The following IFI27L1 variants were observed in gnomAD, a reference collection of about 807,000 sequenced individuals.
IFI27L1 encodes interferon alpha-inducible protein 27-like protein 1.
IFI27L1 carries 3 observed loss-of-function variants against 9.2 expected under a neutral mutation model. The ratio of observed to expected loss-of-function variants is 0.32; its 90% CI spans 0.15 to 0.84. The LOEUF is 0.84. Among genes scored for constraint, IFI27L1 ranks in the 40% least tolerant of loss-of-function variants. The pLI, the probability that IFI27L1 is intolerant of heterozygous loss-of-function variation, is 0.56. For missense variants in IFI27L1, 133 were observed against 134.2 expected, an observed-to-expected ratio of 0.99 and a Z score of 0.05; for synonymous variants, 53 against 50.0, an observed-to-expected ratio of 1.06 and a Z score of -0.26.
At chr14:94,089,490 A>T (rs940254492) in intron 1 of IFI27L1, among the ~76,000 whole-genome samples, 1 of 152,220 alleles carries the variant, frequency 6.6e-6, no homozygotes, top group Admixed American at 6.5e-5. Flanking sequence ...ATAATGAGCA[A>T]TGAGGATGAC....
At chr14:94,096,406 A>C (rs192993656) in intron 1 of IFI27L1, among the ~76,000 whole-genome samples, 138 of 152,314 alleles carry the variant, frequency 9.1e-4, no homozygotes, top group African/African-American at 3.1e-3. Flanking sequence ...ATTCAAGACT[A>C]TGCTTTCAGC....
chr14:94,084,147 A>G (rs1886202688), intron 1 of IFI27L1, among the ~76,000 whole-genome samples: 2 of 152,200 alleles, frequency 1.3e-5, no homozygotes, highest in South Asian at 4.1e-4. Flanking sequence ...AAACAGATGC[A>G]GGAAGATTAA....
chr14:94,092,659 G>A (rs1886523062), intron 1 of IFI27L1, among the ~76,000 whole-genome samples: 1 of 152,174 alleles, frequency 6.6e-6, no homozygotes, highest in Non-Finnish European at 1.5e-5. Flanking sequence ...AAACTCTGTT[G>A]TGCTTTTATT....
At chr14:94,094,044 A>G (rs1010207893) in intron 1 of IFI27L1, among the ~76,000 whole-genome samples, 5 of 152,080 alleles carry the variant, frequency 3.3e-5, no homozygotes, top group Non-Finnish European at 5.9e-5. Context: ...TTGCAAGACA[A>G]GGAAAGGAGG....
intron 2 of IFI27L1, among the ~76,000 whole-genome samples, 200 bp downstream of exon 2, chr14:94,097,165 C>T (rs1256899174): frequency 6.6e-6 from 1 of 152,174 alleles, no homozygotes; most frequent in Non-Finnish European, 1.5e-5. Flanking sequence ...GGCGGGGCCA[C>T]AGATGTACCC....
In IFI27L1 at chr14:94,096,943, A is replaced by G; in HGVS notation, c.6A>G (p.Gly2=). 6.2e-7 allele frequency: 1 copy of G among 1,613,602 alleles called. No individual in the cohort carries two copies. Among genetic ancestry groups the G allele is most frequent in the South Asian group, 1.1e-5 (1 of 90,990 alleles). Residue 2 remains glycine (G), a synonymous_variant, in exon 2 of 5, where the codon GGA becomes GGG. Transcript: ENST00000555523. The part of the protein sequence containing the change: M[G]KESGWDSGRA... ...CCGAGGCGAAGGGGCCAACCATGGGAAAGGAGAGTGGATGGGACTCAGGTG... is the reference window on the plus strand; with the variant it reads ...CCGAGGCGAAGGGGCCAACCATGGGGAAGGAGAGTGGATGGGACTCAGGTG...
In IFI27L1 at chr14:94,098,891, A is replaced by G. The variant is rs538089138; in HGVS notation, c.29-1848A>G. ...TCTCATTATCTTACACATTTTATAGAGGGGACAAGAAAGCTAGGTAACTGC... is the reference window on the plus strand; with the variant it reads ...TCTCATTATCTTACACATTTTATAGGGGGGACAAGAAAGCTAGGTAACTGC... On this transcript the variant is annotated intron_variant, in intron 2 of 4. Transcript: ENST00000555523. Among the ~76,000 whole-genome samples the G allele has an allele frequency of 1.8e-4, 28 of 152,278 alleles. No homozygotes were observed. In the South Asian group the frequency reaches 5.4e-3, roughly 29 times the overall value.
chr14:94,098,284 C>T (rs975798049), intron 2 of IFI27L1, among the ~76,000 whole-genome samples: 1 of 152,190 alleles, frequency 6.6e-6, no homozygotes, highest in East Asian at 1.9e-4. Flanking sequence ...ATGCCACTCC[C>T]TAGTTTCTGG....
At chr14:94,102,116 G>T in intron 4 of IFI27L1, 141 bp downstream of exon 4, 1 of 870,926 alleles carries the variant, frequency 1.1e-6, no homozygotes. Flanking sequence ...CCCCTCTTCT[G>T]GTTGGAGGTG....
chr14:94,087,389 T>G (rs544594733), intron 1 of IFI27L1, among the ~76,000 whole-genome samples: 1 of 152,346 alleles, frequency 6.6e-6, no homozygotes, highest in Admixed American at 6.5e-5. Flanking sequence ...CTAGCTCTAT[T>G]TGTCAGAGTT....
At chr14:94,082,265 TGA>T (rs1348919010) in intron 1 of IFI27L1, among the ~76,000 whole-genome samples, 1 of 151,612 alleles carries the variant, frequency 6.6e-6, no homozygotes, top group African/African-American at 2.4e-5. Context: ...CTATGATGAC[TGA>T]GAGAGGTGAG....
In IFI27L1 at chr14:94,101,829, CTG is replaced by C. The variant is rs1886908646; in HGVS notation, c.80_81del (p.Val27AlafsTer57). 2.5e-6 allele frequency: 4 copies of C among 1,614,232 alleles called. No individual in the cohort carries two copies. The African/African-American group carries it at 5.3e-5, about 22-fold the overall frequency. ...CTTCCCGCAGTTGTGGCTGTGGGGA[CTG>C]TGCTCGTGGCGCTCAGTGCCATGGG... On this transcript the variant is annotated frameshift_variant, in exon 4 of 5. Coordinates refer to ENST00000555523, the MANE Select transcript of IFI27L1 (RefSeq NM_206949.3). LOFTEE classifies it high-confidence loss of function.
intron 2 of IFI27L1, 104 bp from the exon 3 acceptor site, chr14:94,100,635 A>C: frequency 6.3e-7 from 1 of 1,595,194 alleles, no homozygotes; most frequent in Non-Finnish European, 8.5e-7. Context: ...CAGAAGAGGG[A>C]AAGAATAGCA....
intron 1 of IFI27L1, 90 bp from the exon 2 acceptor site, chr14:94,096,796 GT>G: frequency 3.2e-6 from 2 of 627,030 alleles, no homozygotes; most frequent in Non-Finnish European, 5.7e-6. Context: ...TATTTTTAAT[GT>G]TTTTATAGTC....
At chr14:94,097,684 T>G (rs1170955243) in intron 2 of IFI27L1, 1 of 702,264 alleles carries the variant, frequency 1.4e-6, no homozygotes, top group East Asian at 2.7e-5. Context: ...TGAAGGTGAA[T>G]AAGCATTCAC....
intron 1 of IFI27L1, among the ~76,000 whole-genome samples, chr14:94,094,420 T>C (rs1244065575): frequency 6.6e-6 from 1 of 152,098 alleles, no homozygotes. Flanking sequence ...GGTGGGTCTT[T>C]CTCTGGCCTC....
intron 2 of IFI27L1, chr14:94,097,420 C>T: frequency 3.4e-6 from 2 of 580,722 alleles, no homozygotes; most frequent in South Asian, 4.3e-5. Flanking sequence ...AGAGCCCCTC[C>T]TTGGTGGCCT....
intron 1 of IFI27L1, among the ~76,000 whole-genome samples, chr14:94,082,136 G>C (rs1002544744): frequency 1.3e-5 from 2 of 152,170 alleles, no homozygotes; most frequent in African/African-American, 4.8e-5. Context: ...ATATGAAAGC[G>C]AAACAGTTTA....
intron 3 of IFI27L1, 127 bp downstream of exon 3, chr14:94,100,898 G>A: frequency 9.6e-7 from 1 of 1,044,348 alleles, no homozygotes; most frequent in Non-Finnish European, 1.5e-6. Context: ...CGGTGGAGTG[G>A]GCAGAGTGAT....
Sources: allele counts gnomAD v4.1 joint callset (sites outside exome capture counted in the v4.1 genomes callset), GRCh38; gene constraint gnomAD v4.1.1; transcripts MANE v1.5; gene names NCBI Gene and HGNC (gene_info 2026-07-23, HGNC 2026-07-21).